Variants in AGBL4 observed in about 807,000 individuals in gnomAD.
The protein encoded by AGBL4 is cytosolic carboxypeptidase 6.
Under a neutral mutation model 66.4 loss-of-function variants are expected in AGBL4, and 58 were observed. The ratio of observed to expected loss-of-function variants is 0.87; its 90% CI spans 0.71 to 1.09. The LOEUF (loss-of-function observed/expected upper bound fraction) is 1.09, where lower values mean the gene tolerates loss of function less well. Among genes scored for constraint, AGBL4 ranks in the 50% least tolerant of loss-of-function variants. The pLI is 0.00. For missense variants in AGBL4, 579 were observed against 631.0 expected, an observed-to-expected ratio of 0.92 and a Z score of 0.88; for synonymous variants, 234 against 222.9, an observed-to-expected ratio of 1.05 and a Z score of -0.44.
chr1:48,998,911 T>G (rs1227600142), intron 5 of AGBL4, among the ~76,000 whole-genome samples: 2 of 152,128 alleles, frequency 1.3e-5, no homozygotes, highest in African/African-American at 2.4e-5. Flanking sequence ...TGAAGATCTC[T>G]CCATAGTTCC....
chr1:48,731,409 C>G (rs761081383), intron 6 of AGBL4, among the ~76,000 whole-genome samples: 2 of 152,112 alleles, frequency 1.3e-5, no homozygotes, highest in Non-Finnish European at 2.9e-5. Context: ...TTCTCATTCA[C>G]GTACAAGGCA....
Position 49,506,385 on chromosome 1 carries a change from T to C in AGBL4, c.282+190928A>G, listed in dbSNP as rs559041798. Among the ~76,000 whole-genome samples, 3 of 152,206 alleles carry C rather than the reference T, an allele frequency of 2.0e-5. No individual in the cohort carries two copies. The East Asian group carries it at 5.8e-4, about 29-fold the overall frequency. Reference sequence around the variant, plus strand: ...TGGCTATGTCCCCACCTGAGCCTCATCTTGAATTGTAGCTCTTGTAATTCC... The same window carrying C: ...TGGCTATGTCCCCACCTGAGCCTCACCTTGAATTGTAGCTCTTGTAATTCC... On this transcript the variant is annotated intron_variant, in intron 3 of 13. Transcript: ENST00000371839.
intron 3 of AGBL4, among the ~76,000 whole-genome samples, chr1:49,322,834 T>C (rs1645155207): frequency 6.6e-6 from 1 of 152,242 alleles, no homozygotes; most frequent in Admixed American, 6.5e-5. Context: ...TTTGTTGCAT[T>C]ATCCTGAGAA....
chr1:49,258,868 G>C (rs1652815884), intron 3 of AGBL4, among the ~76,000 whole-genome samples: 1 of 152,116 alleles, frequency 6.6e-6, no homozygotes, highest in African/African-American at 2.4e-5. Context: ...ATTCACCAAA[G>C]TTGCAATGAA....
chr1:49,276,144 A>T (rs962941525), intron 3 of AGBL4, among the ~76,000 whole-genome samples: 1 of 152,120 alleles, frequency 6.6e-6, no homozygotes, highest in Non-Finnish European at 1.5e-5. Flanking sequence ...ACACATATAC[A>T]TATGACTAGC....
intron 1 of AGBL4, among the ~76,000 whole-genome samples, chr1:49,879,352 C>T (rs1249133640): frequency 6.7e-6 from 1 of 150,244 alleles, no homozygotes; most frequent in Non-Finnish European, 1.5e-5. Flanking sequence ...TTAGGGCAGG[C>T]CTGGTGGTGA....
chr1:49,948,763 C>T lies in AGBL4; in HGVS notation c.34+75000G>A, dbSNP rs193148499. 2.4e-4 allele frequency among the ~76,000 whole-genome samples: 36 copies of T among 151,026 alleles called. 1 individual carries two copies. The highest frequency in any genetic ancestry group is 7.3e-4 in the African/African-American group (30 of 41,272). On this transcript the variant is annotated intron_variant, in intron 1 of 13. Transcript: ENST00000371839. ...AAATATTGTGAAAATGACCATACTG[C>T]CAAAAGCAATGTACAAATTCAGTGC...
At chr1:49,031,199 T>C (rs1021568132) in intron 5 of AGBL4, among the ~76,000 whole-genome samples, 2 of 152,098 alleles carry the variant, frequency 1.3e-5, no homozygotes, top group Non-Finnish European at 2.9e-5. Flanking sequence ...GCAATTCTCC[T>C]GCCTCAGCCC....
intron 6 of AGBL4, among the ~76,000 whole-genome samples, chr1:48,701,006 G>C (rs74076231): frequency 1.3e-5 from 2 of 152,250 alleles, no homozygotes; most frequent in African/African-American, 2.4e-5. Flanking sequence ...AAAACTCTTG[G>C]CTGAAGTGCA....
intron 9 of AGBL4, among the ~76,000 whole-genome samples, chr1:48,596,426 T>TTAA (rs1428730490): frequency 2.0e-5 from 3 of 152,164 alleles, no homozygotes; most frequent in African/African-American, 7.2e-5. Context: ...CCCAAATCTA[T>TTAA]TCTTTTCATT....
intron 4 of AGBL4, among the ~76,000 whole-genome samples, chr1:49,177,072 C>T (rs148370068): frequency 8.4e-4 from 128 of 152,202 alleles, no homozygotes; most frequent in Admixed American, 1.2e-3. Flanking sequence ...GCCACTAGAT[C>T]CCATTTTGAT....
At chr1:49,491,415 TC>T (rs1268804584) in intron 3 of AGBL4, among the ~76,000 whole-genome samples, 1 of 151,542 alleles carries the variant, frequency 6.6e-6, no homozygotes, top group African/African-American at 2.4e-5. Flanking sequence ...GCGTATCTTC[TC>T]CCCCTCCTCA....
chr1:49,281,532 T>C (rs1248244665), intron 3 of AGBL4, among the ~76,000 whole-genome samples: 1 of 152,286 alleles, frequency 6.6e-6, no homozygotes, highest in African/African-American at 2.4e-5. Context: ...GCTTAAAAGG[T>C]GTTAGCAGTC....
At chr1:49,852,490 G>A (rs1018037728) in intron 1 of AGBL4, among the ~76,000 whole-genome samples, 1 of 152,124 alleles carries the variant, frequency 6.6e-6, no homozygotes, top group Non-Finnish European at 1.5e-5. Flanking sequence ...CAGGCAAGTA[G>A]GTAGACCAGA....
At chr1:49,547,095 G>A (rs1418619544) in intron 3 of AGBL4, among the ~76,000 whole-genome samples, 1 of 152,180 alleles carries the variant, frequency 6.6e-6, no homozygotes, top group African/African-American at 2.4e-5. Context: ...ATGTCTAGAA[G>A]AGTTTTTCCA....
chr1:49,542,807 A>G (rs1652156394), intron 3 of AGBL4, among the ~76,000 whole-genome samples: 2 of 146,222 alleles, frequency 1.4e-5, no homozygotes, highest in African/African-American at 5.0e-5. Flanking sequence ...CTGAGGCAGG[A>G]GAATCCTTTG....
At chr1:49,523,553 A>C (rs929327492) in intron 3 of AGBL4, among the ~76,000 whole-genome samples, 12 of 152,088 alleles carry the variant, frequency 7.9e-5, no homozygotes, top group African/African-American at 2.2e-4. Context: ...GATTGAACCT[A>C]ATTTCCATAA....
chr1:48,826,371 C>T (rs956888394), intron 6 of AGBL4, among the ~76,000 whole-genome samples: 12 of 152,188 alleles, frequency 7.9e-5, no homozygotes, highest in Admixed American at 7.9e-4. Flanking sequence ...GTACCATCAC[C>T]ATGAACTACT....
intron 6 of AGBL4, among the ~76,000 whole-genome samples, chr1:48,766,403 A>C (rs1316396): frequency 0.068 from 10,361 of 152,246 alleles, 573 homozygotes; most frequent in East Asian, 0.3. Flanking sequence ...AATGACAGCT[A>C]CAGTTGAGGA....
Sources: gnomAD v4.1 joint callset for allele counts (sites outside exome capture counted in the v4.1 genomes callset) on GRCh38, gnomAD v4.1.1 for gene constraint, MANE v1.5 for transcripts, NCBI Gene and HGNC (gene_info 2026-07-23, HGNC 2026-07-21) for gene names.